The following ZMYM2 variants were observed in gnomAD, a reference collection of about 807,000 sequenced individuals.
ZMYM2 encodes the protein zinc finger MYM-type containing 2, also known as zinc finger MYM-type protein 2.
In ZMYM2, 56 loss-of-function variants were observed where a neutral mutation model predicts 162.8. The observed-to-expected ratio is 0.34, with a 90% confidence interval of 0.28 to 0.43. The LOEUF (loss-of-function observed/expected upper bound fraction) is 0.43, where lower values mean the gene tolerates loss of function less well. Ranked by LOEUF, ZMYM2 falls within the 20% of genes least tolerant of loss-of-function variation. ZMYM2 has a pLI of 1.00. For missense variants in ZMYM2, 1,275 were observed against 1,621.8 expected (o/e 0.79, Z 3.67); for synonymous variants, 510 against 541.6 (o/e 0.94, Z 0.81).
At chr13:19,874,069 G>T in the ZMYM2 span, among the ~76,000 whole-genome samples, 3 of 152,168 alleles carry the variant, frequency 2.0e-5, no homozygotes, top group African/African-American at 7.2e-5. Context: ...AAAGGCTCTT[G>T]CAGCTTTGGT....
In ZMYM2 at chr13:19,993,511, A is replaced by C. The variant is rs1245418559; in HGVS notation, c.439A>C (p.Lys147Gln). Residue 147 changes from lysine to glutamine, a missense_variant, in exon 3 of 25, where the codon AAA becomes CAA. Around this residue, in one of 10 missense-constraint regions of ZMYM2, gnomAD observed 295 missense variants for 286.7 expected, o/e 1.03. Transcript: ENST00000610343. ...NFIERRPPET[K>Q]NRTNDVDFST... Reference sequence around the variant, plus strand: ...TATTGAACGAAGACCTCCTGAGACTAAAAACAGAACCAATGATGTGGATTT... The same window carrying C: ...TATTGAACGAAGACCTCCTGAGACTCAAAACAGAACCAATGATGTGGATTT... 2 of 1,614,074 alleles carry C rather than the reference A, an allele frequency of 1.2e-6. No homozygotes were observed. Among genetic ancestry groups the C allele is most frequent in the South Asian group, 1.1e-5 (1 of 91,038 alleles).
In ZMYM2 at chr13:19,959,509, C is replaced by T. The variant is rs561723301; in HGVS notation, c.-79-449C>T. Among the ~76,000 whole-genome samples, 4 of 152,282 alleles carry T rather than the reference C, an allele frequency of 2.6e-5. No individual in the cohort carries two copies. In the South Asian group the frequency reaches 8.3e-4, roughly 32 times the overall value. ...GTCGCCGACTGCAGGGGGGGGCAAA[C>T]CTCAGGCCCAGGGCAACTGCTTGGG... On this transcript the variant is annotated intron_variant, in intron 1 of 24. Coordinates refer to ENST00000610343, the MANE Select transcript of ZMYM2 (RefSeq NM_197968.4).
At chr13:20,018,260 T>C (rs1318309278) in intron 6 of ZMYM2, among the ~76,000 whole-genome samples, 59 of 152,360 alleles carry the variant, frequency 3.9e-4, no homozygotes, top group Admixed American at 3.8e-3. Context: ...TTATTTAAAA[T>C]AGTGTTTCTT....
chr13:19,925,439 T>C, the ZMYM2 span, among the ~76,000 whole-genome samples: 1 of 152,212 alleles, frequency 6.6e-6, no homozygotes, highest in Non-Finnish European at 1.5e-5. Flanking sequence ...ATTATAGTAA[T>C]AGATTTTAAA....
At chr13:19,894,811 A>G in the ZMYM2 span, among the ~76,000 whole-genome samples, 2 of 151,908 alleles carry the variant, frequency 1.3e-5, no homozygotes, top group African/African-American at 2.4e-5. Flanking sequence ...AAATTTTAGG[A>G]CGGACGCAGT....
At chr13:20,003,222 T>A in intron 4 of ZMYM2, 87 bp downstream of exon 4, 1 of 1,431,266 alleles carries the variant, frequency 7.0e-7, no homozygotes, top group Non-Finnish European at 9.3e-7. Context: ...TTGTAATACC[T>A]TTGGAAACTT....
chr13:20,006,243 A>C (rs907419833), intron 5 of ZMYM2, 131 bp from the exon 6 acceptor site: 1 of 908,928 alleles, frequency 1.1e-6, no homozygotes, highest in Admixed American at 4.7e-5. Flanking sequence ...AAAAAAAAAA[A>C]AAAAATTTTT....
intron 14 of ZMYM2, among the ~76,000 whole-genome samples, chr13:20,057,151 A>G (rs259790): frequency 0.1 from 15,427 of 152,174 alleles, 1,292 homozygotes; most frequent in African/African-American, 0.22. Flanking sequence ...CATCCAGGCT[A>G]GAGTGCAGTG....
chr13:19,926,576 C>G, the ZMYM2 span, among the ~76,000 whole-genome samples: 2 of 151,974 alleles, frequency 1.3e-5, no homozygotes, highest in Non-Finnish European at 2.9e-5. Flanking sequence ...GTCGGCCAGG[C>G]TGGTCTTGAA....
chr13:20,046,649 A>G (rs1162028584), intron 12 of ZMYM2, among the ~76,000 whole-genome samples: 1 of 143,266 alleles, frequency 7.0e-6, no homozygotes, highest in African/African-American at 2.8e-5. Flanking sequence ...ATGTGTACAT[A>G]TGTATATGTG....
chr13:19,921,587 T>C, the ZMYM2 span, among the ~76,000 whole-genome samples: 5 of 152,194 alleles, frequency 3.3e-5, no homozygotes, highest in East Asian at 9.6e-4. Flanking sequence ...AGCTGTGATA[T>C]TCGCTATTGA....
upstream of ZMYM2, among the ~76,000 whole-genome samples, chr13:19,957,661 C>G (rs1023944474): frequency 6.6e-6 from 1 of 152,222 alleles, no homozygotes; most frequent in Non-Finnish European, 1.5e-5. Context: ...CATGGAGTCT[C>G]CATCAACCAT....
intron 9 of ZMYM2, among the ~76,000 whole-genome samples, chr13:20,029,327 G>GA (rs1359705462): frequency 6.6e-6 from 1 of 152,204 alleles, no homozygotes; most frequent in East Asian, 1.9e-4. Flanking sequence ...CTAATGGTCT[G>GA]ATCACCTTTT....
At chr13:19,879,579 C>T in the ZMYM2 span, among the ~76,000 whole-genome samples, 9 of 152,268 alleles carry the variant, frequency 5.9e-5, no homozygotes, top group African/African-American at 1.4e-4. Context: ...AAGCAGGAAG[C>T]GAGTCTTTCC....
chr13:19,918,375 G>T, the ZMYM2 span, among the ~76,000 whole-genome samples: 1 of 150,434 alleles, frequency 6.6e-6, no homozygotes, highest in South Asian at 2.1e-4. Context: ...AGCCTGGGAG[G>T]TGGAGGCTCC....
intron 2 of ZMYM2, among the ~76,000 whole-genome samples, chr13:19,980,773 AAAAG>A: frequency 6.6e-6 from 1 of 151,354 alleles, no homozygotes; most frequent in African/African-American, 2.4e-5. Context: ...AAAAAAAAAA[AAAAG>A]AATTTTCCTG....
At chr13:19,939,125 G>A in the ZMYM2 span, among the ~76,000 whole-genome samples, 1 of 150,344 alleles carries the variant, frequency 6.7e-6, no homozygotes, top group Non-Finnish European at 1.5e-5. Context: ...CTGGGTTCAA[G>A]TGATTCTCGT....
chr13:19,986,247 G>C (rs1949131614), intron 2 of ZMYM2, among the ~76,000 whole-genome samples: 1 of 151,910 alleles, frequency 6.6e-6, no homozygotes, highest in South Asian at 2.1e-4. Context: ...GGATAATTCT[G>C]TTTAAAAGCT....
chr13:20,047,034 G>A (rs1593100500), intron 12 of ZMYM2, among the ~76,000 whole-genome samples: 1 of 152,050 alleles, frequency 6.6e-6, no homozygotes, highest in South Asian at 2.1e-4. Context: ...ATACATAATA[G>A]GTTATATATT....
Sources: gnomAD v4.1 joint callset for allele counts (sites outside exome capture counted in the v4.1 genomes callset) on GRCh38, gnomAD v4.1.1 for gene constraint, gnomAD v4.1.1 regional missense constraint, MANE v1.5 for transcripts, NCBI Gene and HGNC (gene_info 2026-07-23, HGNC 2026-07-21) for gene names.